Variants in LRRIQ3 observed in about 807,000 individuals in gnomAD.
LRRIQ3 encodes leucine-rich repeat and IQ domain-containing protein 3.
In LRRIQ3, 75 loss-of-function variants were observed where a neutral mutation model predicts 59.3. That is an observed-to-expected ratio of 1.26 (90% confidence interval 1.05 to 1.53). LRRIQ3 has a LOEUF of 1.53. Ranked by LOEUF, LRRIQ3 falls within the 40% of genes most tolerant of loss-of-function variation. The probability of loss-of-function intolerance (pLI) is 0.00; values close to 1 mark genes in which losing one functional copy is unlikely to be tolerated. For synonymous variants in LRRIQ3, 250 were observed against 231.3 expected (o/e 1.08, Z -0.73); for missense variants, 831 against 710.0 (o/e 1.17, Z -1.94).
chr1:74,175,859 T>C (rs10890114), intron 3 of LRRIQ3, among the ~76,000 whole-genome samples: 129,185 of 152,092 alleles, frequency 0.85, 55,758 homozygotes, highest in East Asian at 0.97. Context: ...GTAATGTCAC[T>C]AATTTACCAG....
chr1:74,047,238 T>C (rs960285213), intron 6 of LRRIQ3, among the ~76,000 whole-genome samples: 1 of 152,110 alleles, frequency 6.6e-6, no homozygotes, highest in African/African-American at 2.4e-5. Context: ...GTGGCACATA[T>C]ACACCACAGA....
At chr1:74,046,089 C>T (rs1034744634) in intron 6 of LRRIQ3, among the ~76,000 whole-genome samples, 16 of 152,130 alleles carry the variant, frequency 1.1e-4, no homozygotes, top group Non-Finnish European at 1.5e-5. Flanking sequence ...ACTTTCTTCA[C>T]AGAATTGGAA....
intron 6 of LRRIQ3, among the ~76,000 whole-genome samples, chr1:74,061,034 C>A (rs1399394842): frequency 2.0e-5 from 3 of 152,076 alleles, no homozygotes; most frequent in Non-Finnish European, 4.4e-5. Flanking sequence ...GGGAAAGCTG[C>A]TTAGAGAGGT....
intron 4 of LRRIQ3, among the ~76,000 whole-genome samples, chr1:74,128,773 GGTGTT>G (rs754945310): frequency 5.3e-5 from 8 of 151,980 alleles, no homozygotes; most frequent in Non-Finnish European, 1.0e-4. Flanking sequence ...AAGGAATTTG[GGTGTT>G]GTGATCTAAG....
chr1:74,050,919 C>A (rs17523700), intron 6 of LRRIQ3, among the ~76,000 whole-genome samples: 1 of 152,084 alleles, frequency 6.6e-6, no homozygotes, highest in Admixed American at 6.6e-5. Context: ...CCATTACACA[C>A]GCACATATAC....
rs182362122 is a variant in LRRIQ3, at chr1:74,084,349, A to T, written c.868-9559T>A. The T allele has an allele frequency of 7.8e-4, 630 of 810,208 alleles. 3 individuals are homozygous for T. The African/African-American group carries it at 0.01, about 13-fold the overall frequency. The allele number at this position is 810,208 out of a possible 1,614,324, so 50.2% of individuals were successfully genotyped here. On this transcript the variant is annotated intron_variant, in intron 5 of 7. Coordinates refer to ENST00000354431, the MANE Select transcript of LRRIQ3 (RefSeq NM_001105659.2). ...GACAGTGAGCTCAAGATTTGCTTTT[A>T]GGTGCTCATGAATTCTAATAATCTT...
At chr1:74,067,655 T>G (rs1209693423) in intron 6 of LRRIQ3, among the ~76,000 whole-genome samples, 1 of 152,086 alleles carries the variant, frequency 6.6e-6, no homozygotes, top group African/African-American at 2.4e-5. Flanking sequence ...AGTTTTCATA[T>G]CTGCTTTTTT....
intron 3 of LRRIQ3, among the ~76,000 whole-genome samples, chr1:74,173,134 A>G (rs1384924944): frequency 6.6e-6 from 1 of 151,944 alleles, no homozygotes; most frequent in Non-Finnish European, 1.5e-5. Flanking sequence ...CGTCTCTACT[A>G]AAAATACAAA....
chr1:74,066,719 G>A (rs1279775785), intron 6 of LRRIQ3, among the ~76,000 whole-genome samples: 10 of 152,000 alleles, frequency 6.6e-5, no homozygotes, highest in Non-Finnish European at 7.4e-5. Context: ...CATCACCATG[G>A]TTAGTATATT....
chr1:74,055,279 T>C (rs1247634343), intron 6 of LRRIQ3, among the ~76,000 whole-genome samples: 1 of 150,952 alleles, frequency 6.6e-6, no homozygotes, highest in African/African-American at 2.4e-5. Context: ...ATAATGCAAC[T>C]ATCATGAATA....
At chr1:74,165,922 T>C (rs1410737296) in intron 3 of LRRIQ3, among the ~76,000 whole-genome samples, 3 of 151,628 alleles carry the variant, frequency 2.0e-5, no homozygotes, top group Non-Finnish European at 3.0e-5. Flanking sequence ...TGGTCCCACT[T>C]GATCATAGTA....
At chr1:74,147,615 T>C (rs1647661442) in intron 4 of LRRIQ3, among the ~76,000 whole-genome samples, 2 of 152,172 alleles carry the variant, frequency 1.3e-5, no homozygotes, top group African/African-American at 4.8e-5. Context: ...AAAAGGCATG[T>C]ATTATTGATA....
intron 6 of LRRIQ3, among the ~76,000 whole-genome samples, chr1:74,062,675 G>C (rs1197086958): frequency 6.6e-6 from 1 of 152,114 alleles, no homozygotes; most frequent in African/African-American, 2.4e-5. Flanking sequence ...ATGAGATCAT[G>C]TCCTTTGTAG....
At chr1:74,058,758 C>T (rs1285200860) in intron 6 of LRRIQ3, among the ~76,000 whole-genome samples, 4 of 151,886 alleles carry the variant, frequency 2.6e-5, no homozygotes, top group Admixed American at 6.6e-5. Flanking sequence ...ATGTTTGAGG[C>T]GATGAATATT....
At chr1:74,054,195 C>T (rs773781247) in intron 6 of LRRIQ3, among the ~76,000 whole-genome samples, 34 of 151,566 alleles carry the variant, frequency 2.2e-4, no homozygotes, top group Non-Finnish European at 5.0e-4. Flanking sequence ...TTATTCAGTG[C>T]TAAAGACTTG....
At chr1:74,078,914 T>TA (rs1303661941) in intron 5 of LRRIQ3, among the ~76,000 whole-genome samples, 2 of 151,858 alleles carry the variant, frequency 1.3e-5, no homozygotes, top group African/African-American at 2.4e-5. Flanking sequence ...CAGAAATACT[T>TA]AGAATTTGTT....
At chr1:74,143,997 C>T (rs1647395644) in intron 4 of LRRIQ3, among the ~76,000 whole-genome samples, 1 of 151,726 alleles carries the variant, frequency 6.6e-6, no homozygotes, top group Non-Finnish European at 1.5e-5. Context: ...CCTTTAAGAA[C>T]TAGTGAAGCA....
At chr1:74,133,174 A>G (rs1372208850) in intron 4 of LRRIQ3, among the ~76,000 whole-genome samples, 1 of 152,140 alleles carries the variant, frequency 6.6e-6, no homozygotes. Flanking sequence ...ACCACCTCAC[A>G]CCAGTTAGAA....
intron 3 of LRRIQ3, among the ~76,000 whole-genome samples, chr1:74,164,952 T>C (rs979829442): frequency 6.6e-6 from 1 of 151,512 alleles, no homozygotes. Flanking sequence ...ATTTGTACCT[T>C]TGCCAAAATT....
Sources: gnomAD v4.1 joint callset for allele counts (sites outside exome capture counted in the v4.1 genomes callset) on GRCh38, gnomAD v4.1.1 for gene constraint, MANE v1.5 for transcripts, NCBI Gene and HGNC (gene_info 2026-07-23, HGNC 2026-07-21) for gene names.